ZNF568: variants seen among roughly 807,000 people sequenced by gnomAD.
The protein encoded by ZNF568 is p53 inhibitor of SCO2 activation.
In ZNF568, 11 loss-of-function variants were observed where a neutral mutation model predicts 18.1. The ratio of observed to expected loss-of-function variants is 0.61; its 90% CI spans 0.38 to 1.00. The LOEUF is 1.00. Ranked by LOEUF, ZNF568 falls within the 50% of genes least tolerant of loss-of-function variation. The pLI, the probability that ZNF568 is intolerant of heterozygous loss-of-function variation, is 0.01. For synonymous variants in ZNF568, 213 were observed against 246.6 expected, an observed-to-expected ratio of 0.86 and a Z score of 1.28; for missense variants, 639 against 768.2, an observed-to-expected ratio of 0.83 and a Z score of 1.99.
intron 2 of ZNF568, among the ~76,000 whole-genome samples, chr19:36,918,279 T>C (rs1028182145): frequency 1.3e-5 from 2 of 152,104 alleles, no homozygotes; most frequent in African/African-American, 4.8e-5. Flanking sequence ...AAATTAGTAG[T>C]AGTAGCTCAT....
chr19:36,927,899 A>AT (rs2073605144), intron 4 of ZNF568, among the ~76,000 whole-genome samples: 1 of 24,084 alleles, frequency 4.2e-5, no homozygotes, highest in African/African-American at 2.6e-4. Flanking sequence ...ATATATATAT[A>AT]TATATTTTTT....
At chr19:36,926,072 G>C in intron 4 of ZNF568, among the ~76,000 whole-genome samples, 1 of 152,166 alleles carries the variant, frequency 6.6e-6, no homozygotes, top group East Asian at 1.9e-4. Context: ...ATGATCCTAC[G>C]TATATATTTT....
intron 2 of ZNF568, among the ~76,000 whole-genome samples, chr19:36,990,520 C>T (rs2074414359): frequency 6.6e-6 from 1 of 152,152 alleles, no homozygotes; most frequent in East Asian, 1.9e-4. Flanking sequence ...GAGGGTGAGG[C>T]AGGAGAATCG....
At chr19:36,984,108 C>G (rs2074355325), downstream of ZNF568, among the ~76,000 whole-genome samples, 2 of 151,948 alleles carry the variant, frequency 1.3e-5, no homozygotes, top group African/African-American at 2.4e-5. Flanking sequence ...ACCGTGTTAG[C>G]CAGGATGGTC....
chr19:36,936,362 A>G (rs1296879595), intron 4 of ZNF568, among the ~76,000 whole-genome samples: 1 of 152,208 alleles, frequency 6.6e-6, no homozygotes, highest in Non-Finnish European at 1.5e-5. Flanking sequence ...TATGTTTATT[A>G]TATTAACCTT....
chr19:36,964,707 T>C (rs2074181318), intron 6 of ZNF568, among the ~76,000 whole-genome samples: 1 of 152,130 alleles, frequency 6.6e-6, no homozygotes, highest in African/African-American at 2.4e-5. Context: ...TCCCAGCTAC[T>C]TGGGAGGCTG....
intron 1 of ZNF568, among the ~76,000 whole-genome samples, chr19:36,917,215 T>A (rs2073355797): frequency 6.6e-6 from 1 of 152,184 alleles, no homozygotes; most frequent in Non-Finnish European, 1.5e-5. Context: ...CTGCGCCGCA[T>A]GTGTTCTTTC....
intron 6 of ZNF568, chr19:36,973,120 G>C (rs2074250246): frequency 6.6e-6 from 1 of 152,364 alleles, no homozygotes; most frequent in Admixed American, 6.5e-5. Context: ...TCCAGGCCCC[G>C]GGTGGCGCAC....
chr19:36,929,091 GAAT>G (rs1359301035), intron 4 of ZNF568, among the ~76,000 whole-genome samples: 3 of 151,172 alleles, frequency 2.0e-5, no homozygotes, highest in Non-Finnish European at 4.4e-5. Context: ...TTTAAAAGAA[GAAT>G]ATTTGTTTAA....
chr19:36,933,920 T>G (rs543303154), intron 4 of ZNF568, among the ~76,000 whole-genome samples: 107 of 36,878 alleles, frequency 2.9e-3, no homozygotes, highest in African/African-American at 0.017. Context: ...TGTTTTGTTT[T>G]TTTGTTTTTT....
chr19:36,923,052 G>T (rs991876454), intron 3 of ZNF568, among the ~76,000 whole-genome samples: 19 of 151,998 alleles, frequency 1.3e-4, no homozygotes, highest in Non-Finnish European at 2.4e-4. Context: ...TTAAGAGTAT[G>T]TTTAAGTATA....
intron 2 of ZNF568, among the ~76,000 whole-genome samples, chr19:36,921,475 AAG>A (rs1253462746): frequency 6.6e-6 from 1 of 151,938 alleles, no homozygotes; most frequent in East Asian, 1.9e-4. Flanking sequence ...AAAAAAAAGA[AAG>A]AAAGTGATCA....
chr19:36,973,134 C>T (rs975449627), intron 6 of ZNF568: 3 of 152,434 alleles, frequency 2.0e-5, no homozygotes, highest in African/African-American at 7.2e-5. Context: ...GGCGCACCCA[C>T]CTCTGGACTA....
In ZNF568 at chr19:36,927,895, ATATATATATTTTTTTTTTTTTTTTTT is replaced by A. The variant is rs1568381574; in HGVS notation, c.135+2639_135+2664del. Among the ~76,000 whole-genome samples the A allele has an allele frequency of 1.0e-3, 27 of 25,756 alleles. 1 individual carries two copies. The highest frequency in any genetic ancestry group is 0.03 in the Middle Eastern group (2 of 66). 16.9% of individuals were successfully genotyped at this position (25,756 alleles called of 152,430 possible). A position where few individuals can be genotyped will look rare whatever the true frequency, so the allele number is the denominator to read the frequency against. ...ATATATATATATATATATTATATAT[ATATATATATTTTTTTTTTTTTTTTTT>A]TTTTTTTTTTGGTGATGAAGTCTTG... On this transcript the variant is annotated intron_variant, in intron 4 of 6. Transcript: ENST00000333987.
chr19:36,952,480 A>T lies in ZNF568; in HGVS notation c.*1392A>T, dbSNP rs2074074337. 1 of 152,272 alleles carries T rather than the reference A, an allele frequency of 6.6e-6. No homozygotes were observed. Among genetic ancestry groups the T allele is most frequent in the Non-Finnish European group, 1.5e-5 (1 of 68,088 alleles). The allele number at this position is 152,272 out of a possible 1,614,324, so 9.4% of individuals were successfully genotyped here. A position where few individuals can be genotyped will look rare whatever the true frequency, so the allele number is the denominator to read the frequency against. ...AAAAAAATCAAAATACAAATGAAAC[A>T]TTGTGTAATAATATTTATGTAAATT... On this transcript the variant is annotated 3_prime_UTR_variant, in exon 7 of 7. Transcript: ENST00000333987.
Position 36,922,577 on chromosome 19 carries a change from A to C in ZNF568, c.-185-9A>C. 1 of 444,476 alleles carries C rather than the reference A, an allele frequency of 2.2e-6. No homozygotes were observed. Among genetic ancestry groups the C allele is most frequent in the Non-Finnish European group, 4.0e-6 (1 of 249,366 alleles). The allele number at this position is 444,476 out of a possible 1,614,324, so 27.5% of individuals were successfully genotyped here. The stretch of plus-strand genomic sequence containing the variant: ...ACCAGGTAAATTAGATTTATATCCT[A>C]ATCCACAGGTCCTGGTTCCACAAGG... On this transcript the variant is annotated splice_polypyrimidine_tract_variant and intron_variant, in intron 2 of 6. Transcript: ENST00000333987.
chr19:36,951,873 G>A lies in ZNF568; in HGVS notation c.*785G>A, dbSNP rs2074065123. The A allele has an allele frequency of 5.6e-6, 5 of 887,030 alleles. No individual in the cohort carries two copies. The highest frequency in any genetic ancestry group is 5.4e-6 in the Non-Finnish European group (4 of 741,454). 54.9% of individuals were successfully genotyped at this position (887,030 alleles called of 1,614,324 possible). On this transcript the variant is annotated 3_prime_UTR_variant, in exon 7 of 7. Coordinates refer to ENST00000333987, the MANE Select transcript of ZNF568 (RefSeq NM_198539.4). ...TGAACTCCTGACTTCAAAAGTGATC[G>A]CCCTCTTTGGCCTCCCAAAGTGCTG... is the stretch of plus-strand genomic sequence containing the variant.
At chr19:36,922,956 C>A in intron 3 of ZNF568, 110 bp downstream of exon 3, 5 of 839,206 alleles carry the variant, frequency 6.0e-6, no homozygotes, top group South Asian at 1.8e-5. Context: ...TGTTAATTGA[C>A]TAGGCAGGGG....
At chr19:36,965,150 T>G (rs1173155126) in intron 6 of ZNF568, among the ~76,000 whole-genome samples, 3 of 152,196 alleles carry the variant, frequency 2.0e-5, no homozygotes, top group African/African-American at 7.2e-5. Context: ...ATGTTGAAAT[T>G]TAGTTGCCAT....
Sources: gnomAD v4.1 joint callset for allele counts (sites outside exome capture counted in the v4.1 genomes callset) on GRCh38, gnomAD v4.1.1 for gene constraint, MANE v1.5 for transcripts, NCBI Gene and HGNC (gene_info 2026-07-23, HGNC 2026-07-21) for gene names.